Variants in TPTE2 observed in about 807,000 individuals in gnomAD.
The protein encoded by TPTE2 is transmembrane phosphoinositide 3-phosphatase and tensin homolog 2.
Under a neutral mutation model 78.6 loss-of-function variants are expected in TPTE2, and 53 were observed. The observed-to-expected ratio is 0.67, with a 90% CI of 0.54 to 0.85. The LOEUF is 0.85. TPTE2 is among the 40% of genes least tolerant of loss of function. TPTE2 has a pLI of 0.00. For synonymous variants in TPTE2, 175 were observed against 206.2 expected, an observed-to-expected ratio of 0.85 and a Z score of 1.30; for missense variants, 461 against 623.0, an observed-to-expected ratio of 0.74 and a Z score of 2.77.
At chr13:19,550,260 A>G in the TPTE2 span, among the ~76,000 whole-genome samples, 1 of 152,234 alleles carries the variant, frequency 6.6e-6, no homozygotes, top group Non-Finnish European at 1.5e-5. Flanking sequence ...CTATTTAGAA[A>G]TTAAATTTTC....
At chr13:19,443,438 C>A (rs544966322) in intron 13 of TPTE2, among the ~76,000 whole-genome samples, 10 of 142,294 alleles carry the variant, frequency 7.0e-5, no homozygotes, top group African/African-American at 2.0e-4. Context: ...CAGAGTCTCA[C>A]TCTGTCATCC....
intron 15 of TPTE2, among the ~76,000 whole-genome samples, chr13:19,433,241 C>T (rs1214553681): frequency 3.9e-5 from 6 of 152,030 alleles, no homozygotes; most frequent in African/African-American, 7.2e-5. Flanking sequence ...TGGTGGCTCC[C>T]GCCTGTAATC....
intron 10 of TPTE2, among the ~76,000 whole-genome samples, chr13:19,459,811 T>C (rs1310420397): frequency 1.3e-5 from 2 of 152,138 alleles, no homozygotes; most frequent in Non-Finnish European, 2.9e-5. Context: ...AACTCTTCCT[T>C]GTCCAGATTG....
chr13:19,540,090 G>T (rs903247336), upstream of TPTE2, among the ~76,000 whole-genome samples: 1 of 152,120 alleles, frequency 6.6e-6, no homozygotes, highest in African/African-American at 2.4e-5. Context: ...GTTGCAGTGA[G>T]CTGAGCTTGT....
At chr13:19,538,888 T>C (rs149420439), upstream of TPTE2, among the ~76,000 whole-genome samples, 282 of 152,316 alleles carry the variant, frequency 1.9e-3, no homozygotes, top group African/African-American at 6.3e-3. Context: ...TTTGTATGTA[T>C]GGTATGAAGC....
chr13:19,525,713 C>T (rs1398429571), intron 1 of TPTE2, among the ~76,000 whole-genome samples: 1 of 152,074 alleles, frequency 6.6e-6, no homozygotes, highest in Non-Finnish European at 1.5e-5. Context: ...AATTAAAGAG[C>T]TTCTGCACAG....
upstream of TPTE2, among the ~76,000 whole-genome samples, chr13:19,539,296 T>A (rs945300804): frequency 2.0e-5 from 3 of 152,224 alleles, no homozygotes; most frequent in African/African-American, 7.2e-5. Context: ...AATCCCCACA[T>A]GAAGTGGGAG....
At chr13:19,480,063 A>C (rs1263617780) in intron 4 of TPTE2, among the ~76,000 whole-genome samples, 2 of 114,216 alleles carry the variant, frequency 1.8e-5, no homozygotes, top group Non-Finnish European at 3.9e-5. Context: ...ACAAATATTA[A>C]CTATGAACAT....
At chr13:19,474,269 C>T (rs956203494) in intron 5 of TPTE2, among the ~76,000 whole-genome samples, 194 bp from the exon 9 acceptor site, 2 of 152,074 alleles carry the variant, frequency 1.3e-5, no homozygotes, top group Admixed American at 1.3e-4. Context: ...CTGTTTTCAC[C>T]CAATAGAAGC....
In TPTE2 at chr13:19,425,034, T is replaced by G. The variant is rs778477865; in HGVS notation, c.1396-17A>C. 2.2e-6 allele frequency: 3 copies of G among 1,394,358 alleles called. No individual in the cohort carries two copies. Among genetic ancestry groups the G allele is most frequent in the South Asian group, 2.5e-5 (2 of 78,500 alleles). The allele number at this position is 1,394,358 out of a possible 1,614,324, so 86.4% of individuals were successfully genotyped here. On this transcript the variant is annotated splice_polypyrimidine_tract_variant and intron_variant, in intron 18 of 19. Coordinates refer to ENST00000400230, the Ensembl canonical transcript of TPTE2. Reference sequence around the variant, plus strand: ...AGGAAGATTCTAAAAAGAAAAAAAATTTCAAAGTAAAACTGACACCAGGAA... The same window carrying G: ...AGGAAGATTCTAAAAAGAAAAAAAAGTTCAAAGTAAAACTGACACCAGGAA...
chr13:19,466,231 G>C (rs2497249), intron 7 of TPTE2, among the ~76,000 whole-genome samples: 20,559 of 152,172 alleles, frequency 0.14, 1,548 homozygotes, highest in African/African-American at 0.19. Context: ...CTGGGTCCCA[G>C]AGATACTGAT....
At chr13:19,560,642 G>C in the TPTE2 span, 2 of 1,561,880 alleles carry the variant, frequency 1.3e-6, no homozygotes, top group African/African-American at 1.4e-5. Flanking sequence ...GGGCCAGCAG[G>C]GTCGGGCAAG....
intron 10 of TPTE2, among the ~76,000 whole-genome samples, chr13:19,460,669 C>A (rs1250780764): frequency 6.6e-6 from 1 of 152,202 alleles, no homozygotes; most frequent in Non-Finnish European, 1.5e-5. Flanking sequence ...GCTGAACTTG[C>A]AGGCCTGTCC....
intron 1 of TPTE2, among the ~76,000 whole-genome samples, chr13:19,530,371 G>A (rs7982033): frequency 0.74 from 112,425 of 152,108 alleles, 44,126 homozygotes; most frequent in East Asian, 0.96. Flanking sequence ...GCCGAAAACC[G>A]AGCAGTCACA....
the TPTE2 span, among the ~76,000 whole-genome samples, chr13:19,554,465 G>T: frequency 6.6e-6 from 1 of 151,652 alleles, no homozygotes; most frequent in Non-Finnish European, 1.5e-5. Context: ...TTCACTGAAT[G>T]CTTGCATCAG....
intron 18 of TPTE2, among the ~76,000 whole-genome samples, chr13:19,426,095 T>G (rs546142088): frequency 7.2e-4 from 107 of 149,400 alleles, no homozygotes; most frequent in Non-Finnish European, 1.2e-3. Context: ...CAAAACAAAA[T>G]GTAATCATTG....
At chr13:19,500,419 G>A (rs977958392) in intron 1 of TPTE2, among the ~76,000 whole-genome samples, 70 of 151,852 alleles carry the variant, frequency 4.6e-4, no homozygotes, top group African/African-American at 1.4e-3. Flanking sequence ...CTGGCAAACC[G>A]AATCCAGCAG....
chr13:19,491,295 A>T (rs2137635837), intron 3 of TPTE2, among the ~76,000 whole-genome samples: 1 of 152,346 alleles, frequency 6.6e-6, no homozygotes, highest in Admixed American at 6.5e-5. Context: ...GTAAAAAGGT[A>T]CATAGACATA....
chr13:19,471,284 A>G (rs928145406), intron 6 of TPTE2, among the ~76,000 whole-genome samples: 3 of 152,154 alleles, frequency 2.0e-5, no homozygotes, highest in Non-Finnish European at 4.4e-5. Flanking sequence ...CAGTGTTATC[A>G]TTGATAAGTA....
Sources: allele counts gnomAD v4.1 joint callset (sites outside exome capture counted in the v4.1 genomes callset), GRCh38; gene constraint gnomAD v4.1.1; transcripts MANE v1.5; gene names NCBI Gene and HGNC (gene_info 2026-07-23, HGNC 2026-07-21).